MAP4K2: variants seen among roughly 807,000 people sequenced by gnomAD.
MAP4K2 encodes the protein mitogen-activated protein kinase kinase kinase kinase 2, also known as B lymphocyte serine/threonine protein kinase.
Under a neutral mutation model 125.3 loss-of-function variants are expected in MAP4K2, and 85 were observed. That is an observed-to-expected ratio of 0.68 (90% confidence interval 0.57 to 0.81). MAP4K2 has a LOEUF of 0.81. Among genes scored for constraint, MAP4K2 ranks in the 40% least tolerant of loss-of-function variants. The pLI is 0.00. For missense variants in MAP4K2, 923 were observed against 1,056.4 expected, an observed-to-expected ratio of 0.87 and a Z score of 1.75; for synonymous variants, 479 against 445.1, an observed-to-expected ratio of 1.08 and a Z score of -0.96.
At chr11:64,793,557 C>T (rs542777219) in intron 24 of MAP4K2, among the ~76,000 whole-genome samples, 1 of 152,220 alleles carries the variant, frequency 6.6e-6, no homozygotes, top group South Asian at 2.1e-4. Context: ...GGGAATGGGG[C>T]TTCCTGTCAG....
In MAP4K2 at chr11:64,790,222, A is replaced by G. The variant is rs1940394186; in HGVS notation, c.2214T>C (p.Pro738=). The G allele has an allele frequency of 1.9e-6, 3 of 1,613,938 alleles. No homozygotes were observed. Among genetic ancestry groups the G allele is most frequent in the Middle Eastern group, 1.7e-4 (1 of 6,060 alleles). ...CGATGGGGAAATCAAAGGTCAGCTC[A>G]GGTGCCAGTGTGGCCGTGGGCTCGC... ...MQGEPTATLA[P]ELTFDFPIET... is the part of the protein sequence containing the mutation. The change falls in exon 29 of 32, where the codon CCT becomes CCC. Residue 738 remains proline, a synonymous_variant. Coordinates refer to ENST00000294066, the MANE Select transcript of MAP4K2 (RefSeq NM_004579.5).
intron 24 of MAP4K2, 120 bp from the exon 25 acceptor site, chr11:64,792,542 G>A: frequency 1.3e-6 from 1 of 799,692 alleles, no homozygotes; most frequent in Non-Finnish European, 2.0e-6. Flanking sequence ...CTGAGACTCA[G>A]AGACACAGAG....
Position 64,791,982 on chromosome 11 carries a change from C to G in MAP4K2, c.2019G>C (p.Gly673=), listed in dbSNP as rs1940509339. ...QVCVGAEGPE[G]PGCRVLFHVL... Reference sequence around the variant, plus strand: ...CATGGAACAGGACGCGGCAGCCGGGCCCCTCAGGCCCCTCGGCCCCAACAC... The same window carrying G: ...CATGGAACAGGACGCGGCAGCCGGGGCCCTCAGGCCCCTCGGCCCCAACAC... The change falls in exon 27 of 32, where the codon GGG becomes GGC. Residue 673 remains glycine (G), a synonymous_variant. Transcript: ENST00000294066. 6.2e-7 allele frequency: 1 copy of G among 1,601,688 alleles called. No homozygotes were observed. Among genetic ancestry groups the G allele is most frequent in the African/African-American group, 1.3e-5 (1 of 74,740 alleles).
chr11:64,798,949 T>G (rs1592599427), intron 14 of MAP4K2, 112 bp from the exon 15 acceptor site: 1 of 900,282 alleles, frequency 1.1e-6, no homozygotes, highest in East Asian at 2.6e-5. Flanking sequence ...ACGGGAAAGG[T>G]GAGATGGAAA....
chr11:64,797,939 T>C (rs965862024), intron 15 of MAP4K2, among the ~76,000 whole-genome samples: 2 of 151,680 alleles, frequency 1.3e-5, no homozygotes, highest in African/African-American at 4.8e-5. Context: ...TCTCCTGCCC[T>C]TGTGATCCGC....
At position 64,788,971 on chromosome 11, in the gene MAP4K2, G is replaced by GC. The variant is rs1045153768; in HGVS notation, c.*565dup. 1 of 159,952 alleles carries GC rather than the reference G, an allele frequency of 6.3e-6. No homozygotes were observed. Among genetic ancestry groups the GC allele is most frequent in the African/African-American group, 2.4e-5 (1 of 41,438 alleles). 9.9% of individuals were successfully genotyped at this position (159,952 alleles called of 1,614,324 possible). ...GCAAGGATGCAGGGGAAGGCACAGT[G>GC]CCCCTAGAAGGCTGCTGGGGGCCAT... On this transcript the variant is annotated 3_prime_UTR_variant, in exon 32 of 32. Transcript: ENST00000294066.
At chr11:64,799,225 C>G in intron 14 of MAP4K2, among the ~76,000 whole-genome samples, 196 bp downstream of exon 14, 1 of 152,166 alleles carries the variant, frequency 6.6e-6, no homozygotes, top group Admixed American at 6.5e-5. Context: ...AGACACCCAC[C>G]TAAAAGAACT....
chr11:64,791,298 C>A (rs1940460765), intron 27 of MAP4K2, among the ~76,000 whole-genome samples: 1 of 152,248 alleles, frequency 6.6e-6, no homozygotes, highest in Non-Finnish European at 1.5e-5. Flanking sequence ...TGCTTCCTGG[C>A]TGAGAATGGG....
chr11:64,802,986 G>A (rs777026750), intron 1 of MAP4K2, 44 bp from the exon 2 acceptor site: 3 of 1,561,898 alleles, frequency 1.9e-6, no homozygotes, highest in Non-Finnish European at 2.6e-6. Flanking sequence ...CGGGGCCGGG[G>A]GCTAGATCCT....
At chr11:64,792,340 C>T in intron 25 of MAP4K2, 24 bp downstream of exon 25, 1 of 1,454,954 alleles carries the variant, frequency 6.9e-7, no homozygotes, top group Middle Eastern at 1.7e-4. Flanking sequence ...GGCCCCGCCC[C>T]ACCCCGCCCA....
chr11:64,802,932 G>T lies in MAP4K2; in HGVS notation c.107C>A (p.Thr36Lys). The change falls in exon 2 of 32, where the codon ACG becomes AAG. Residue 36 changes from threonine to lysine, a missense_variant. Transcript: ENST00000294066. ...CACGGCGGCCAGTTCGGACGTGACC[G>T]TGTCGCGGGCCTGCAGGGGCGGAGG... is the stretch of plus-strand genomic sequence containing the variant. ...TYGDVYKARD[T>K]VTSELAAVKI... 6.3e-7 allele frequency: 1 copy of T among 1,587,040 alleles called. No individual in the cohort carries two copies. Among genetic ancestry groups the T allele is most frequent in the East Asian group, 2.3e-5 (1 of 43,340 alleles).
In MAP4K2 at chr11:64,796,690, C is replaced by A; in HGVS notation, c.1516G>T (p.Glu506Ter). ...TRDQFLVVGA[E>*]EGIYTLNLHE... is the part of the protein sequence containing the mutation. The stretch of plus-strand genomic sequence containing the variant: ...AGGTTGAGTGTGTAGATGCCTTCCT[C>A]GGCCCCTACCACCAGGAACTGGTCT... The change falls in exon 22 of 32, where the codon GAG (glutamate) becomes TAG (stop). Residue 506 changes from glutamate (E) to a stop codon, truncating the protein, a stop_gained. Transcript: ENST00000294066. LOFTEE classifies it high-confidence loss of function. 1 of 1,613,888 alleles carries A rather than the reference C, an allele frequency of 6.2e-7. No individual in the cohort carries two copies. The highest frequency in any genetic ancestry group is 1.1e-5 in the South Asian group (1 of 91,072).
chr11:64,790,239 T>C lies in MAP4K2; in HGVS notation c.2197A>G (p.Thr733Ala). ...GTCAGCTCAGGTGCCAGTGTGGCCG[T>C]GGGCTCGCCCTGCATGTTGACAATC... ...VRIVNMQGEP[T>A]ATLAPELTFD... The change falls in exon 29 of 32, where the codon ACG becomes GCG. Residue 733 changes from threonine to alanine, a missense_variant. By Grantham distance (58) the Thr-to-Ala change is moderately conservative. Transcript: ENST00000294066. 1 of 1,614,180 alleles carries C rather than the reference T, an allele frequency of 6.2e-7. No individual in the cohort carries two copies. The highest frequency in any genetic ancestry group is 8.5e-7 in the Non-Finnish European group (1 of 1,180,006).
chr11:64,799,617 A>AG lies in MAP4K2; in HGVS notation c.981dup (p.Ser328LeufsTer19). The stretch of plus-strand genomic sequence containing the variant: ...GCTGCAGACTCACACTGGATCTCCG[A>AG]GGGGGTCCTCTCGGCTGGGCCGTGC... On this transcript the variant is annotated frameshift_variant, in exon 13 of 32. Transcript: ENST00000294066. LOFTEE classifies it high-confidence loss of function. The AG allele has an allele frequency of 1.2e-6, 2 of 1,613,940 alleles. No homozygotes were observed. Among genetic ancestry groups the AG allele is most frequent in the Non-Finnish European group, 8.5e-7 (1 of 1,179,992 alleles).
At chr11:64,791,795 G>T (rs1215122449) in intron 27 of MAP4K2, 114 bp downstream of exon 27, 3 of 1,179,172 alleles carry the variant, frequency 2.5e-6, no homozygotes, top group Non-Finnish European at 3.5e-6. Context: ...CAAGGTCTCT[G>T]TGGAGCCACT....
Position 64,792,256 on chromosome 11 carries a change from A to C in MAP4K2, c.1830T>G (p.Gly610=). Residue 610 remains glycine, a synonymous_variant, in exon 26 of 32, where the codon GGT becomes GGG. Coordinates refer to ENST00000294066, the MANE Select transcript of MAP4K2 (RefSeq NM_004579.5). ...GCAGGGCGGCCAGCAGGAAGGTGGC[A>C]CCCGTGTAGGGGTTCCGCACTGGCA... ...QCRVVRNPYT[G]ATFLLAALPT... 1 of 1,610,942 alleles carries C rather than the reference A, an allele frequency of 6.2e-7. No individual in the cohort carries two copies. Among genetic ancestry groups the C allele is most frequent in the South Asian group, 1.1e-5 (1 of 90,676 alleles).
rs1385187150 is a variant in MAP4K2 at position 64,797,195 on chromosome 11, G to A, written c.1277-3C>T. The A allele has an allele frequency of 1.2e-6, 2 of 1,612,906 alleles. No individual in the cohort carries two copies. The highest frequency in any genetic ancestry group is 1.3e-5 in the African/African-American group (1 of 74,924). On this transcript the variant is annotated splice_polypyrimidine_tract_variant and splice_region_variant and intron_variant, in intron 18 of 31. Transcript: ENST00000294066. ...TGAAGGAGGTGGGGGCAGGGTTCCT[G>A]CAGGCACAGGCGTGCTGTAATTTCC...
chr11:64,799,344 T>G, intron 14 of MAP4K2, 77 bp downstream of exon 14: 1 of 1,555,038 alleles, frequency 6.4e-7, no homozygotes, highest in Non-Finnish European at 8.8e-7. Flanking sequence ...CTCCCTTGAT[T>G]TGAGCTGCTC....
Position 64,797,645 on chromosome 11 carries a change from G to A in MAP4K2, c.1117C>T (p.Gln373Ter), listed in dbSNP as rs1215444982. 4 of 1,579,070 alleles carry A rather than the reference G, an allele frequency of 2.5e-6. No individual in the cohort carries two copies. Among genetic ancestry groups the A allele is most frequent in the Non-Finnish European group, 8.6e-7 (1 of 1,161,614 alleles). ...CCTCACCTTTCCTCCAGGGCCTCCT[G>A]GACCGACTGCAGCAGGCTCCTGGGC... ...ELSGSLLQSVQEALEERSLTI... is the reference protein window; with the variant it reads ...ELSGSLLQSV The change falls in exon 16 of 32, where the codon CAG (glutamine) becomes TAG (stop). Residue 373 changes from glutamine (Q) to a stop codon, truncating the protein, a stop_gained. Coordinates refer to ENST00000294066, the MANE Select transcript of MAP4K2 (RefSeq NM_004579.5). LOFTEE classifies it high-confidence loss of function.
Sources: allele counts gnomAD v4.1 joint callset (sites outside exome capture counted in the v4.1 genomes callset), GRCh38; gene constraint gnomAD v4.1.1; transcripts MANE v1.5; gene names NCBI Gene and HGNC (gene_info 2026-07-23, HGNC 2026-07-21).